GNAQ: variants seen among roughly 807,000 people sequenced by gnomAD.
The protein encoded by GNAQ is guanine nucleotide-binding protein G(q) subunit alpha.
A neutral mutation model predicts 43.9 loss-of-function variants in GNAQ; 8 were observed. The ratio of observed to expected loss-of-function variants is 0.18; its 90% CI spans 0.11 to 0.33. GNAQ has a LOEUF of 0.33. Ranked by LOEUF, GNAQ falls within the 10% of genes least tolerant of loss-of-function variation. The pLI, the probability that GNAQ is intolerant of heterozygous loss-of-function variation, is 1.00. For synonymous variants in GNAQ, 155 were observed against 170.7 expected, an observed-to-expected ratio of 0.91 and a Z score of 0.71; for missense variants, 158 against 450.8, an observed-to-expected ratio of 0.35 and a Z score of 5.88.
intron 4 of GNAQ, among the ~76,000 whole-genome samples, chr9:77,796,611 G>A (rs906453026): frequency 2.6e-5 from 4 of 152,182 alleles, no homozygotes; most frequent in Admixed American, 2.6e-4. Flanking sequence ...AGTGAGAGAT[G>A]AGGTAATAAA....
intron 2 of GNAQ, among the ~76,000 whole-genome samples, chr9:77,878,528 T>C (rs1242204863): frequency 6.6e-6 from 1 of 152,090 alleles, no homozygotes; most frequent in Non-Finnish European, 1.5e-5. Flanking sequence ...GCCAATGCAC[T>C]TCCTGGGCCA....
chr9:77,867,597 A>C (rs1827968467), intron 2 of GNAQ, among the ~76,000 whole-genome samples: 1 of 152,228 alleles, frequency 6.6e-6, no homozygotes, highest in African/African-American at 2.4e-5. Flanking sequence ...TGAATGAAGT[A>C]AAGTCAAGCA....
intron 5 of GNAQ, among the ~76,000 whole-genome samples, chr9:77,763,228 T>A (rs1489527401): frequency 6.6e-6 from 1 of 150,872 alleles, no homozygotes; most frequent in East Asian, 1.9e-4. Context: ...CTATAAAACA[T>A]CTCAAGATTG....
At chr9:77,722,321 G>A (rs1825328909) in intron 6 of GNAQ, among the ~76,000 whole-genome samples, 1 of 151,846 alleles carries the variant, frequency 6.6e-6, no homozygotes, top group Admixed American at 6.6e-5. Flanking sequence ...ATTTTTAGTA[G>A]AGACAAGGTT....
intron 2 of GNAQ, among the ~76,000 whole-genome samples, chr9:77,838,041 G>C (rs1827420088): frequency 6.6e-6 from 1 of 150,678 alleles, no homozygotes; most frequent in African/African-American, 2.4e-5. Flanking sequence ...GTAGAGACAG[G>C]GTTTCACCAT....
chr9:78,020,550 T>C (rs1029832471), intron 1 of GNAQ, among the ~76,000 whole-genome samples: 1 of 152,116 alleles, frequency 6.6e-6, no homozygotes, highest in Admixed American at 6.5e-5. Flanking sequence ...AAGGGCACAG[T>C]GGATGTGACA....
intron 2 of GNAQ, among the ~76,000 whole-genome samples, chr9:77,865,579 G>C (rs888140743): frequency 2.0e-5 from 3 of 152,218 alleles, no homozygotes; most frequent in African/African-American, 7.2e-5. Context: ...TTGCTGGAGA[G>C]AGGTGGCTGA....
chr9:77,894,366 A>T (rs11145612), intron 2 of GNAQ, among the ~76,000 whole-genome samples: 7 of 36,264 alleles, frequency 1.9e-4, no homozygotes, highest in African/African-American at 9.5e-4. Context: ...AAATATATAT[A>T]TTATATATAT....
intron 1 of GNAQ, among the ~76,000 whole-genome samples, chr9:78,006,731 T>C (rs1428086659): frequency 3.9e-5 from 6 of 152,222 alleles, no homozygotes; most frequent in Admixed American, 2.6e-4. Context: ...TGTCTAAATG[T>C]AACAAAGTCG....
At chr9:77,770,517 T>A (rs1826207898) in intron 5 of GNAQ, among the ~76,000 whole-genome samples, 1 of 152,192 alleles carries the variant, frequency 6.6e-6, no homozygotes, top group Non-Finnish European at 1.5e-5. Flanking sequence ...TCGGAAAAGA[T>A]CCTCCCACTA....
intron 5 of GNAQ, among the ~76,000 whole-genome samples, chr9:77,765,078 C>T (rs1191450527): frequency 2.0e-5 from 3 of 151,892 alleles, no homozygotes; most frequent in African/African-American, 7.3e-5. Context: ...AGTGAGAGTA[C>T]CACCTAGTGG....
At chr9:77,762,159 C>A (rs1327556236) in intron 5 of GNAQ, among the ~76,000 whole-genome samples, 3 of 135,088 alleles carry the variant, frequency 2.2e-5, no homozygotes, top group Non-Finnish European at 4.9e-5. Flanking sequence ...CCGCCCCGTC[C>A]GGGAGGTGAG....
intron 5 of GNAQ, among the ~76,000 whole-genome samples, chr9:77,773,607 T>G (rs1826262283): frequency 6.6e-6 from 1 of 152,254 alleles, no homozygotes; most frequent in Admixed American, 6.5e-5. Context: ...TGCCTTGGAT[T>G]TGTACCTCAC....
At chr9:77,965,290 C>T (rs548055944) in intron 1 of GNAQ, among the ~76,000 whole-genome samples, 1 of 152,206 alleles carries the variant, frequency 6.6e-6, no homozygotes, top group African/African-American at 2.4e-5. Flanking sequence ...CCCTCAAAAA[C>T]CATTCAACTT....
intron 1 of GNAQ, among the ~76,000 whole-genome samples, chr9:77,933,667 C>T (rs1449721441): frequency 1.3e-5 from 2 of 150,794 alleles, no homozygotes; most frequent in Non-Finnish European, 3.0e-5. Context: ...ACCATTGATA[C>T]ATGCACACTT....
At position 77,721,245 on chromosome 9, in the gene GNAQ, T is replaced by C; in HGVS notation, c.*78A>G. 1 of 902,710 alleles carries C rather than the reference T, an allele frequency of 1.1e-6. No homozygotes were observed. Among genetic ancestry groups the C allele is most frequent in the South Asian group, 1.6e-5 (1 of 61,176 alleles). The allele number at this position is 902,710 out of a possible 1,614,324, so 55.9% of individuals were successfully genotyped here. The stretch of plus-strand genomic sequence containing the variant: ...TAAATTAGTATTATGCAAATTGTTT[T>C]CCACAGAAATACAGTCCCTCTTGTG... On this transcript the variant is annotated 3_prime_UTR_variant, in exon 7 of 7. Coordinates refer to ENST00000286548, the MANE Select transcript of GNAQ (RefSeq NM_002072.5).
chr9:78,008,419 C>T (rs577369051), intron 1 of GNAQ, among the ~76,000 whole-genome samples: 1 of 152,330 alleles, frequency 6.6e-6, no homozygotes, highest in African/African-American at 2.4e-5. Context: ...AAGATCCCTT[C>T]TCAATTTCTT....
intron 2 of GNAQ, among the ~76,000 whole-genome samples, chr9:77,826,795 C>A: frequency 6.6e-6 from 1 of 152,164 alleles, no homozygotes; most frequent in East Asian, 1.9e-4. Flanking sequence ...GTAATAGGCA[C>A]ACATTAACGG....
chr9:77,730,881 A>G (rs1825477289), intron 5 of GNAQ, among the ~76,000 whole-genome samples: 1 of 152,214 alleles, frequency 6.6e-6, no homozygotes, highest in African/African-American at 2.4e-5. Context: ...CTTTAATAAG[A>G]ACTGAAATAA....
Sources: allele counts gnomAD v4.1 joint callset (sites outside exome capture counted in the v4.1 genomes callset), GRCh38; gene constraint gnomAD v4.1.1; transcripts MANE v1.5; gene names NCBI Gene and HGNC (gene_info 2026-07-23, HGNC 2026-07-21).